FARS2: variants seen among roughly 807,000 people sequenced by gnomAD.
FARS2 encodes phenylalanyl-tRNA synthetase 2, mitochondrial.
FARS2 carries 40 observed loss-of-function variants against 46.4 expected under a neutral mutation model. That is an observed-to-expected ratio of 0.86 (90% CI 0.67 to 1.12). The LOEUF (loss-of-function observed/expected upper bound fraction) is 1.12, where lower values mean the gene tolerates loss of function less well. Ranked by LOEUF, FARS2 falls within the 50% of genes most tolerant of loss-of-function variation. The pLI is 0.00. For synonymous variants in FARS2, 234 were observed against 214.9 expected, an observed-to-expected ratio of 1.09 and a Z score of -0.78; for missense variants, 513 against 567.9, an observed-to-expected ratio of 0.90 and a Z score of 0.98.
chr6:5,284,128 A>G (rs913125524), intron 1 of FARS2, among the ~76,000 whole-genome samples: 1 of 152,200 alleles, frequency 6.6e-6, no homozygotes, highest in African/African-American at 2.4e-5. Flanking sequence ...TTCAATTTGC[A>G]TTTCTCTCAT....
At chr6:5,251,621 T>G in the FARS2 span, among the ~76,000 whole-genome samples, 2 of 152,300 alleles carry the variant, frequency 1.3e-5, no homozygotes, top group South Asian at 4.1e-4. Flanking sequence ...GGAATGGTGC[T>G]AAACTATTCA....
At chr6:5,344,086 G>A (rs954060900) in intron 1 of FARS2, among the ~76,000 whole-genome samples, 7 of 152,168 alleles carry the variant, frequency 4.6e-5, no homozygotes, top group African/African-American at 1.4e-4. Flanking sequence ...TTCACCGAAC[G>A]ACACAGAAGT....
chr6:5,530,776 ATT>A (rs995549179), intron 4 of FARS2, among the ~76,000 whole-genome samples: 1 of 147,190 alleles, frequency 6.8e-6, no homozygotes, highest in African/African-American at 2.5e-5. Context: ...TATTTCATAT[ATT>A]GTATAATATA....
At chr6:5,364,450 A>G (rs1758518038) in intron 1 of FARS2, among the ~76,000 whole-genome samples, 2 of 152,182 alleles carry the variant, frequency 1.3e-5, no homozygotes, top group Non-Finnish European at 2.9e-5. Flanking sequence ...ACCAGTGCTA[A>G]CATACTTCAC....
intron 2 of FARS2, among the ~76,000 whole-genome samples, chr6:5,385,734 A>C (rs550909020): frequency 6.6e-6 from 1 of 152,026 alleles, no homozygotes; most frequent in African/African-American, 2.4e-5. Flanking sequence ...GGGTGTTTCT[A>C]TGGTAAGAAA....
chr6:5,268,132 A>G (rs111409164), intron 1 of FARS2, among the ~76,000 whole-genome samples: 1 of 152,032 alleles, frequency 6.6e-6, no homozygotes, highest in South Asian at 2.1e-4. Flanking sequence ...AGATTGCAAA[A>G]ATTTTCTCCC....
chr6:5,253,547 AGCGACAACTT>A, the FARS2 span, among the ~76,000 whole-genome samples: 4 of 152,216 alleles, frequency 2.6e-5, no homozygotes, highest in African/African-American at 4.8e-5. Flanking sequence ...AAAAAGCTGC[AGCGACAACTT>A]GCGACAACTC....
chr6:5,563,495 C>T (rs1338074405), intron 5 of FARS2, among the ~76,000 whole-genome samples: 1 of 152,130 alleles, frequency 6.6e-6, no homozygotes, highest in Non-Finnish European at 1.5e-5. Context: ...TGAAAACTTC[C>T]CAAGGACCCC....
rs1482059601 is a variant in FARS2, at chr6:5,263,114, G to A, written c.-22+1454G>A. ...GATTATTTTGGCTTTTTTAAAAATA[G>A]CAAAGATTACATTATTTTATTATAT... On this transcript the variant is annotated intron_variant, in intron 1 of 6. Transcript: ENST00000274680. Among the ~76,000 whole-genome samples, 13 of 152,256 alleles carry A rather than the reference G, an allele frequency of 8.5e-5. 1 individual carries two copies. In the South Asian group the frequency reaches 1.9e-3, roughly 22 times the overall value.
chr6:5,564,189 G>A (rs1772182131), intron 5 of FARS2, among the ~76,000 whole-genome samples: 1 of 152,256 alleles, frequency 6.6e-6, no homozygotes, highest in East Asian at 1.9e-4. Flanking sequence ...AGTAGAGTGA[G>A]GACAGCAATT....
At chr6:5,732,067 G>A (rs1219880291) in intron 6 of FARS2, among the ~76,000 whole-genome samples, 1 of 152,154 alleles carries the variant, frequency 6.6e-6, no homozygotes, top group Non-Finnish European at 1.5e-5. Flanking sequence ...CCTCATGCAG[G>A]GTTTTGTGTT....
Position 5,290,597 on chromosome 6 carries a change from T to C in FARS2, c.-22+28937T>C, listed in dbSNP as rs1361824394. ...CTACTTGAAGGACAAAAATTCTAGG[T>C]TGACATACTCCTATTTTGATGACCT... On this transcript the variant is annotated intron_variant, in intron 1 of 6. Coordinates refer to ENST00000274680, the MANE Select transcript of FARS2 (RefSeq NM_006567.5). Among the ~76,000 whole-genome samples, 4 of 152,390 alleles carry C rather than the reference T, an allele frequency of 2.6e-5. No individual in the cohort carries two copies. The East Asian group carries it at 7.7e-4, about 29-fold the overall frequency.
intron 6 of FARS2, among the ~76,000 whole-genome samples, chr6:5,706,510 T>C (rs1039364962): frequency 2.6e-5 from 4 of 152,204 alleles, no homozygotes; most frequent in Non-Finnish European, 4.4e-5. Flanking sequence ...GACTGGAGGC[T>C]CACAGGGCCT....
At position 5,404,608 on chromosome 6, in the gene FARS2, A is replaced by C; in HGVS notation, c.679A>C (p.Lys227Gln). The C allele has an allele frequency of 6.2e-7, 1 of 1,613,234 alleles. No homozygotes were observed. The highest frequency in any genetic ancestry group is 1.1e-5 in the South Asian group (1 of 90,850). The change falls in exon 3 of 7, where the codon AAA (lysine) becomes CAA (glutamine). Residue 227 changes from lysine to glutamine, a missense_variant. By Grantham distance (53) the Lys-to-Gln change is moderately conservative. Coordinates refer to ENST00000274680, the MANE Select transcript of FARS2 (RefSeq NM_006567.5). ...TGAACAAAGTTCTCGCTCTGCGCAT[A>C]AACAAGAGACACACACCATGGAGGC... ...LFEQSSRSAH[K>Q]QETHTMEAVK...
At chr6:5,272,110 C>G (rs928894789) in intron 1 of FARS2, among the ~76,000 whole-genome samples, 1 of 152,118 alleles carries the variant, frequency 6.6e-6, no homozygotes, top group African/African-American at 2.4e-5. Context: ...CTCCCTTTGT[C>G]CAGTGTCTCC....
At chr6:5,261,934 A>G (rs1472549117) in intron 1 of FARS2, among the ~76,000 whole-genome samples, 3 of 152,196 alleles carry the variant, frequency 2.0e-5, no homozygotes, top group African/African-American at 7.2e-5. Context: ...GCTTTTTTGA[A>G]TCATCTTATT....
At chr6:5,582,807 C>T (rs1773411095) in intron 5 of FARS2, among the ~76,000 whole-genome samples, 1 of 152,194 alleles carries the variant, frequency 6.6e-6, no homozygotes, top group Admixed American at 6.5e-5. Context: ...TTATGTTAAA[C>T]TCTGAGACAT....
At position 5,675,199 on chromosome 6, in the gene FARS2, G is replaced by GACACACACAC. The variant is rs3057239; in HGVS notation, c.1217+61910_1217+61919dup. Among the ~76,000 whole-genome samples, 66 of 145,060 alleles carry GACACACACAC rather than the reference G, an allele frequency of 4.5e-4. 2 individuals carry two copies. Among genetic ancestry groups the GACACACACAC allele is most frequent in the African/African-American group, 1.6e-3 (64 of 39,078 alleles). On this transcript the variant is annotated intron_variant, in intron 6 of 6. Coordinates refer to ENST00000274680, the MANE Select transcript of FARS2 (RefSeq NM_006567.5). ...TAAAAATGCGTTATATTTGCAGATA[G>GACACACACAC]ACACACACACACACACACACACACA...
intron 4 of FARS2, among the ~76,000 whole-genome samples, chr6:5,437,002 A>G (rs1397051317): frequency 7.2e-5 from 11 of 152,202 alleles, no homozygotes. Flanking sequence ...CATCACCACA[A>G]TCAAGATGAT....
Sources: allele counts gnomAD v4.1 joint callset (sites outside exome capture counted in the v4.1 genomes callset), GRCh38; gene constraint gnomAD v4.1.1; transcripts MANE v1.5; gene names NCBI Gene and HGNC (gene_info 2026-07-23, HGNC 2026-07-21).